Variants in B4GALT5 observed in about 807,000 individuals in gnomAD.
B4GALT5 encodes UDP-Gal:beta-GlcNAc beta-1,4-galactosyltransferase 5.
A neutral mutation model predicts 45.0 loss-of-function variants in B4GALT5; 11 were observed. The ratio of observed to expected loss-of-function variants is 0.24; its 90% confidence interval spans 0.15 to 0.40. B4GALT5 has a LOEUF of 0.40. Among genes scored for constraint, B4GALT5 ranks in the 10% least tolerant of loss-of-function variants. The pLI is 1.00. For synonymous variants in B4GALT5, 185 were observed against 182.9 expected, an observed-to-expected ratio of 1.01 and a Z score of -0.09; for missense variants, 337 against 500.2, an observed-to-expected ratio of 0.67 and a Z score of 3.11.
intron 5 of B4GALT5, among the ~76,000 whole-genome samples, chr20:49,641,070 G>A (rs2085575227): frequency 6.6e-6 from 1 of 152,012 alleles, no homozygotes; most frequent in African/African-American, 2.4e-5. Flanking sequence ...AGCCAAGATC[G>A]CACCATTGTA....
chr20:49,703,857 C>T (rs2085873213), intron 1 of B4GALT5, among the ~76,000 whole-genome samples: 2 of 151,492 alleles, frequency 1.3e-5, no homozygotes, highest in Admixed American at 1.3e-4. Context: ...CCACTGCACT[C>T]CAGCCTGGGC....
At position 49,639,890 on chromosome 20, in the gene B4GALT5, C is replaced by G. The variant is rs879050561; in HGVS notation, c.795-90G>C. 5 of 1,520,930 alleles carry G rather than the reference C, an allele frequency of 3.3e-6. No individual in the cohort carries two copies. The African/African-American group carries it at 6.9e-5, about 21-fold the overall frequency. 94.2% of individuals were successfully genotyped at this position (1,520,930 alleles called of 1,614,324 possible). Reference sequence around the variant, plus strand: ...TCTCATTTGAGGACTAAAAACAGTGCTCTCTGTGCTCCTGACCTGAACCAT... The same window carrying G: ...TCTCATTTGAGGACTAAAAACAGTGGTCTCTGTGCTCCTGACCTGAACCAT... On this transcript the variant is annotated intron_variant, in intron 6 of 8. Coordinates refer to ENST00000371711, the MANE Select transcript of B4GALT5 (RefSeq NM_004776.4).
intron 1 of B4GALT5, among the ~76,000 whole-genome samples, chr20:49,680,945 C>G (rs1023037929): frequency 6.6e-6 from 1 of 151,948 alleles, no homozygotes; most frequent in African/African-American, 2.4e-5. Flanking sequence ...TACATAAAAA[C>G]TAGAATTATA....
At chr20:49,649,998 C>T (rs1367486342) in intron 2 of B4GALT5, among the ~76,000 whole-genome samples, 1 of 152,132 alleles carries the variant, frequency 6.6e-6, no homozygotes, top group East Asian at 1.9e-4. Flanking sequence ...TGGTCAATGA[C>T]TGACCCAAGC....
intron 1 of B4GALT5, among the ~76,000 whole-genome samples, chr20:49,683,385 A>ATTTT (rs66503719): frequency 3.0e-4 from 29 of 96,616 alleles, no homozygotes; most frequent in African/African-American, 1.1e-3. Context: ...ACAGGTTTAA[A>ATTTT]TTTTTTTTTT....
In B4GALT5 at chr20:49,636,354, A is replaced by C. The variant is rs145736817; in HGVS notation, c.1125T>G (p.Thr375=). 4.6e-4 allele frequency: 744 copies of C among 1,613,986 alleles called. 1 individual carries two copies. Among genetic ancestry groups the C allele is most frequent in the Non-Finnish European group, 5.7e-4 (676 of 1,180,010 alleles). The change falls in exon 9 of 9, where the codon ACT becomes ACG. Residue 375 remains threonine, a synonymous_variant. Coordinates refer to ENST00000371711, the MANE Select transcript of B4GALT5 (RefSeq NM_004776.4). ...GAGCCAGCTCGGGTGTCAGGTTGAC[A>C]GTTATGTTTTTATACAAGGCGTCGT... is the stretch of plus-strand genomic sequence containing the variant. ...ITYDALYKNI[T]VNLTPELAQV... is the part of the protein sequence containing the mutation.
At chr20:49,706,510 T>C (rs1029743496) in intron 1 of B4GALT5, among the ~76,000 whole-genome samples, 1 of 152,172 alleles carries the variant, frequency 6.6e-6, no homozygotes, top group African/African-American at 2.4e-5. Context: ...CTCCCATAAC[T>C]GATAACATGA....
chr20:49,652,180 G>A (rs992069543), intron 2 of B4GALT5, among the ~76,000 whole-genome samples: 7 of 151,700 alleles, frequency 4.6e-5, no homozygotes, highest in East Asian at 3.9e-4. Context: ...CTTTGGAAAC[G>A]TCCTTGGGAA....
chr20:49,663,686 AAAAAATATATACATAT>A (rs2085675187), intron 1 of B4GALT5, among the ~76,000 whole-genome samples: 1 of 7,540 alleles, frequency 1.3e-4, no homozygotes, highest in African/African-American at 3.2e-4. Flanking sequence ...AAAAAAAAAA[AAAAAATATATACATAT>A]ATATATATAT....
rs1984436401 is a variant in B4GALT5, at chr20:49,633,710, C to T, written c.*2602G>A. On this transcript the variant is annotated 3_prime_UTR_variant, in exon 9 of 9. Coordinates refer to ENST00000371711, the MANE Select transcript of B4GALT5 (RefSeq NM_004776.4). ...GTTAGCCTTTTGCCAACAGTGTGTA[C>T]TTGATGGTAATTATGGCAACATAGA... 3 of 152,236 alleles carry T rather than the reference C, an allele frequency of 2.0e-5. No individual in the cohort carries two copies. The highest frequency in any genetic ancestry group is 7.2e-5 in the African/African-American group (3 of 41,432). 9.4% of individuals were successfully genotyped at this position (152,236 alleles called of 1,614,324 possible).
At chr20:49,680,514 A>G (rs1349280548) in intron 1 of B4GALT5, among the ~76,000 whole-genome samples, 1 of 152,240 alleles carries the variant, frequency 6.6e-6, no homozygotes, top group Non-Finnish European at 1.5e-5. Flanking sequence ...AAAAGTACAA[A>G]TATTATATGA....
At chr20:49,699,443 AC>A (rs2085852675) in intron 1 of B4GALT5, among the ~76,000 whole-genome samples, 5 of 151,296 alleles carry the variant, frequency 3.3e-5, no homozygotes, top group Admixed American at 3.3e-4. Context: ...CAAGCATCTG[AC>A]TGCATCGGAC....
intron 1 of B4GALT5, among the ~76,000 whole-genome samples, chr20:49,680,261 A>C (rs1410382716): frequency 6.6e-6 from 1 of 152,232 alleles, no homozygotes; most frequent in African/African-American, 2.4e-5. Context: ...GGACACAGAG[A>C]CCATGAGTGT....
At chr20:49,674,213 G>C (rs1331836196) in intron 1 of B4GALT5, among the ~76,000 whole-genome samples, 2 of 141,848 alleles carry the variant, frequency 1.4e-5, no homozygotes, top group Non-Finnish European at 1.5e-5. Flanking sequence ...CTGGGCGACA[G>C]AGCAAGACTC....
intron 1 of B4GALT5, among the ~76,000 whole-genome samples, chr20:49,689,971 T>C (rs921003680): frequency 1.3e-5 from 2 of 152,314 alleles, no homozygotes; most frequent in East Asian, 1.9e-4. Context: ...GCTAGGTCTC[T>C]AGGCATACAT....
intron 5 of B4GALT5, among the ~76,000 whole-genome samples, chr20:49,641,285 C>T (rs185840812): frequency 6.6e-6 from 1 of 152,370 alleles, no homozygotes; most frequent in African/African-American, 2.4e-5. Context: ...GACAACACTA[C>T]CATTTCTACT....
At chr20:49,699,667 T>G (rs1478585246) in intron 1 of B4GALT5, among the ~76,000 whole-genome samples, 1 of 152,166 alleles carries the variant, frequency 6.6e-6, no homozygotes, top group Non-Finnish European at 1.5e-5. Flanking sequence ...GAAAATAAAC[T>G]TGGGGACCCC....
chr20:49,656,465 C>T (rs2085643342), intron 2 of B4GALT5, 103 bp downstream of exon 2: 1 of 1,462,204 alleles, frequency 6.8e-7, no homozygotes, highest in African/African-American at 1.4e-5. Flanking sequence ...CCAAATCCCT[C>T]TTTTACAATG....
At chr20:49,646,206 A>AT (rs2085598598) in intron 3 of B4GALT5, among the ~76,000 whole-genome samples, 1 of 152,180 alleles carries the variant, frequency 6.6e-6, no homozygotes, top group African/African-American at 2.4e-5. Context: ...AGTAAGGTTC[A>AT]TCTACCATTA....
Sources: gnomAD v4.1 joint callset for allele counts (sites outside exome capture counted in the v4.1 genomes callset) on GRCh38, gnomAD v4.1.1 for gene constraint, MANE v1.5 for transcripts, NCBI Gene and HGNC (gene_info 2026-07-23, HGNC 2026-07-21) for gene names.